The following ATP6V1G1 variants were observed in gnomAD, a reference collection of about 807,000 sequenced individuals.
ATP6V1G1 encodes ATPase H+ transporting V1 subunit G1, also known as V-type proton ATPase subunit G 1.
Under a neutral mutation model 14.2 loss-of-function variants are expected in ATP6V1G1, and 14 were observed. The observed-to-expected ratio is 0.99, with a 90% CI of 0.65 to 1.55. The LOEUF (loss-of-function observed/expected upper bound fraction) is 1.55. ATP6V1G1 is among the 40% of genes most tolerant of loss of function. ATP6V1G1 has a pLI of 0.00. For synonymous variants in ATP6V1G1, 65 were observed against 53.3 expected (o/e 1.22, Z -0.96); for missense variants, 137 against 146.4 (o/e 0.94, Z 0.33).
Position 114,596,596 on chromosome 9 carries a change from T to C in ATP6V1G1, c.184-974T>C, listed in dbSNP as rs117194625. On this transcript the variant is annotated intron_variant, in intron 2 of 2. Transcript: ENST00000374050. ...AAACACTAACCAATAATGGTGAAAC[T>C]CCTTGTATATTCCTCCTAAATTGTA... Among the ~76,000 whole-genome samples, 1,059 of 152,242 alleles carry C rather than the reference T, an allele frequency of 7.0e-3. 5 individuals are homozygous for C. Among genetic ancestry groups the C allele is most frequent in the Non-Finnish European group, 0.012 (841 of 68,016 alleles).
At chr9:114,588,209 C>T (rs1026710942) in intron 1 of ATP6V1G1, 7 of 430,914 alleles carry the variant, frequency 1.6e-5, no homozygotes, top group Non-Finnish European at 2.9e-5. Context: ...CTTTGTTCTT[C>T]TTCTCTCCCA....
At chr9:114,592,492 T>C (rs1195040571) in intron 1 of ATP6V1G1, 60 bp from the exon 2 acceptor site, 2 of 1,457,888 alleles carry the variant, frequency 1.4e-6, no homozygotes, top group African/African-American at 1.4e-5. Context: ...TACCATCTTG[T>C]CTCTGCTTGC....
intron 2 of ATP6V1G1, among the ~76,000 whole-genome samples, chr9:114,594,896 G>A (rs1589313747): frequency 1.1e-5 from 1 of 92,472 alleles, no homozygotes; most frequent in African/African-American, 4.4e-5. Flanking sequence ...TTTCACTCTT[G>A]TTGCCCAGGC....
intron 1 of ATP6V1G1, among the ~76,000 whole-genome samples, chr9:114,590,742 T>C (rs754890188): frequency 2.6e-5 from 4 of 151,864 alleles, no homozygotes; most frequent in Non-Finnish European, 5.9e-5. Context: ...AATGAAATCA[T>C]TGAGTTGGAC....
At chr9:114,594,030 A>G (rs1404833423) in intron 2 of ATP6V1G1, among the ~76,000 whole-genome samples, 5 of 151,806 alleles carry the variant, frequency 3.3e-5, no homozygotes, top group African/African-American at 9.7e-5. Flanking sequence ...AAAACAATGT[A>G]GAAATACCCT....
At chr9:114,593,245 T>C (rs1236003631) in intron 2 of ATP6V1G1, among the ~76,000 whole-genome samples, 1 of 152,146 alleles carries the variant, frequency 6.6e-6, no homozygotes. Context: ...TCAGGACTCT[T>C]GGGTGCAGGT....
chr9:114,597,558 C>T lies in ATP6V1G1; in HGVS notation c.184-12C>T, dbSNP rs1158554003. ...CTGATAATCCCTCCGTGACATCACT[C>T]CCCATCTCCAGGCATTGGGATCCCG... On this transcript the variant is annotated splice_polypyrimidine_tract_variant and intron_variant, in intron 2 of 2. Transcript: ENST00000374050. The T allele has an allele frequency of 1.3e-6, 2 of 1,488,814 alleles. No homozygotes were observed. Among genetic ancestry groups the T allele is most frequent in the South Asian group, 1.4e-5 (1 of 70,512 alleles). The allele number at this position is 1,488,814 out of a possible 1,614,324, so 92.2% of individuals were successfully genotyped here. A position where few individuals can be genotyped will look rare whatever the true frequency, so the allele number is the denominator to read the frequency against.
intron 2 of ATP6V1G1, among the ~76,000 whole-genome samples, chr9:114,597,003 T>G (rs2133561062): frequency 1.4e-5 from 2 of 147,660 alleles, no homozygotes; most frequent in South Asian, 4.4e-4. Flanking sequence ...TTTTTTTTTT[T>G]TTTTTGAGAC....
At position 114,594,034 on chromosome 9, in the gene ATP6V1G1, A is replaced by G. The variant is rs77641357; in HGVS notation, c.183+1382A>G. 3.1e-3 allele frequency among the ~76,000 whole-genome samples: 473 copies of G among 151,166 alleles called. 2 individuals carry two copies. Among genetic ancestry groups the G allele is most frequent in the African/African-American group, 0.011 (455 of 41,210 alleles). ...AGGCTGCTCATAAAACAATGTAGAAATACCCTTGTGTCAGGGCAGCCATCA... is the reference window on the plus strand; with the variant it reads ...AGGCTGCTCATAAAACAATGTAGAAGTACCCTTGTGTCAGGGCAGCCATCA... On this transcript the variant is annotated intron_variant, in intron 2 of 2. Coordinates refer to ENST00000374050, the MANE Select transcript of ATP6V1G1 (RefSeq NM_004888.4).
Position 114,592,653 on chromosome 9 carries a change from G to T in ATP6V1G1, c.183+1G>T. ...AGAATTCAAGGCCAAGGAAGCTGCG[G>T]TGGGGCACCATTTGTTTTTGTTACT... On this transcript the variant is annotated splice_donor_variant, in intron 2 of 2. Coordinates refer to ENST00000374050, the MANE Select transcript of ATP6V1G1 (RefSeq NM_004888.4). LOFTEE classifies it high-confidence loss of function. The T allele has an allele frequency of 6.4e-7, 1 of 1,570,044 alleles. No individual in the cohort carries two copies. The highest frequency in any genetic ancestry group is 1.2e-5 in the South Asian group (1 of 85,284).
At chr9:114,589,927 G>A (rs893657461) in intron 1 of ATP6V1G1, among the ~76,000 whole-genome samples, 2 of 152,126 alleles carry the variant, frequency 1.3e-5, no homozygotes, top group African/African-American at 2.4e-5. Flanking sequence ...GCTGGGCGTG[G>A]TGGCTCACGC....
chr9:114,592,734 C>A, intron 2 of ATP6V1G1, 82 bp downstream of exon 2: 1 of 1,406,152 alleles, frequency 7.1e-7, no homozygotes, highest in East Asian at 2.5e-5. Flanking sequence ...CAGCATAGCT[C>A]AGAGATCCTG....
intron 2 of ATP6V1G1, among the ~76,000 whole-genome samples, chr9:114,592,898 A>T (rs1001235167): frequency 6.6e-6 from 1 of 152,208 alleles, no homozygotes; most frequent in Non-Finnish European, 1.5e-5. Context: ...TGCGCCAGGT[A>T]CTGTGCTAGA....
rs1845254193 is a variant in ATP6V1G1, at chr9:114,597,661, G to A, written c.275G>A (p.Arg92Lys). 1 of 1,595,196 alleles carries A rather than the reference G, an allele frequency of 6.3e-7. No homozygotes were observed. Among genetic ancestry groups the A allele is most frequent in the Non-Finnish European group, 8.5e-7 (1 of 1,172,768 alleles). Reference protein sequence around the residue: ...TILQTYFRQNRDEVLDNLLAF... With the variant: ...TILQTYFRQNKDEVLDNLLAF... ...CTCCAGACATACTTCCGGCAGAACA[G>A]GGATGAAGTCTTGGACAACCTCTTG... Residue 92 changes from arginine to lysine, a missense_variant, in exon 3 of 3, where the codon AGG becomes AAG. Transcript: ENST00000374050.
intron 1 of ATP6V1G1, among the ~76,000 whole-genome samples, chr9:114,590,867 CT>C (rs1377843948): frequency 2.6e-5 from 4 of 152,124 alleles, no homozygotes; most frequent in African/African-American, 9.7e-5. Context: ...GTGATCTCGG[CT>C]CACTACAATC....
chr9:114,597,650 C>G lies in ATP6V1G1; in HGVS notation c.264C>G (p.Phe88Leu). 1 of 1,590,778 alleles carries G rather than the reference C, an allele frequency of 6.3e-7. No homozygotes were observed. The highest frequency in any genetic ancestry group is 8.5e-7 in the Non-Finnish European group (1 of 1,170,410). Residue 88 changes from phenylalanine to leucine, a missense_variant, in exon 3 of 3, where the codon TTC (phenylalanine) becomes TTG (leucine). Transcript: ENST00000374050. ...QEKMTILQTY[F>L]RQNRDEVLDN... Reference sequence around the variant, plus strand: ...AGATGACCATCCTCCAGACATACTTCCGGCAGAACAGGGATGAAGTCTTGG... The same window carrying G: ...AGATGACCATCCTCCAGACATACTTGCGGCAGAACAGGGATGAAGTCTTGG...
chr9:114,594,763 T>TA (rs1330348134), intron 2 of ATP6V1G1, among the ~76,000 whole-genome samples: 1 of 152,196 alleles, frequency 6.6e-6, no homozygotes, highest in East Asian at 1.9e-4. Context: ...CTCATATTCT[T>TA]ACATTCTGTG....
At position 114,587,777 on chromosome 9, in the gene ATP6V1G1, T is replaced by G. The variant is rs967064179; in HGVS notation, c.-62T>G. ...GCAGATTGTGGGCGGCTGTGTCAGC[T>G]GACCCAAGGGGCCTTCGAGGTGCCT... On this transcript the variant is annotated 5_prime_UTR_variant, in exon 1 of 3. Transcript: ENST00000374050. 9.2e-5 allele frequency: 140 copies of G among 1,516,038 alleles called. No homozygotes were observed. Among genetic ancestry groups the G allele is most frequent in the Non-Finnish European group, 1.2e-4 (134 of 1,118,986 alleles). 93.9% of individuals were successfully genotyped at this position (1,516,038 alleles called of 1,614,324 possible).
chr9:114,592,739 A>T, intron 2 of ATP6V1G1, 87 bp downstream of exon 2: 1 of 1,379,200 alleles, frequency 7.3e-7, no homozygotes, highest in South Asian at 1.3e-5. Context: ...TAGCTCAGAG[A>T]TCCTGGTCGA....
Sources: gnomAD v4.1 joint callset for allele counts (sites outside exome capture counted in the v4.1 genomes callset) on GRCh38, gnomAD v4.1.1 for gene constraint, MANE v1.5 for transcripts, NCBI Gene and HGNC (gene_info 2026-07-23, HGNC 2026-07-21) for gene names.